TMEM86A: variants seen among roughly 807,000 people sequenced by gnomAD.
TMEM86A encodes lysoplasmalogenase TMEM86A.
A neutral mutation model predicts 19.8 loss-of-function variants in TMEM86A; 13 were observed. The ratio of observed to expected loss-of-function variants is 0.66; its 90% CI spans 0.43 to 1.04. The LOEUF (loss-of-function observed/expected upper bound fraction) is 1.04. Ranked by LOEUF, TMEM86A falls within the 50% of genes least tolerant of loss-of-function variation. TMEM86A has a pLI of 0.00. For synonymous variants in TMEM86A, 128 were observed against 129.9 expected (o/e 0.99, Z 0.10); for missense variants, 248 against 306.8 (o/e 0.81, Z 1.43).
At position 18,704,293 on chromosome 11, in the gene TMEM86A, A is replaced by C; in HGVS notation, c.*2284A>C. ...TCCATCCCCTTGGTCCCTGCTGTAT[A>C]TCACCCTCAGGAACGGGAAAGGATG... On this transcript the variant is annotated 3_prime_UTR_variant, in exon 3 of 3. Coordinates refer to ENST00000280734, the MANE Select transcript of TMEM86A (RefSeq NM_153347.3). The C allele has an allele frequency of 1.6e-6, 1 of 608,836 alleles. No individual in the cohort carries two copies. The highest frequency in any genetic ancestry group is 1.8e-5 in the South Asian group (1 of 54,410). The allele number at this position is 608,836 out of a possible 1,614,324, so 37.7% of individuals were successfully genotyped here. A position where few individuals can be genotyped will look rare whatever the true frequency, so the allele number is the denominator to read the frequency against.
rs1008809601 is a variant in TMEM86A, at chr11:18,704,052, A to G, written c.*2043A>G. 2 of 197,860 alleles carry G rather than the reference A, an allele frequency of 1.0e-5. No homozygotes were observed. The highest frequency in any genetic ancestry group is 4.6e-5 in the African/African-American group (2 of 43,482). The allele number at this position is 197,860 out of a possible 1,614,324, so 12.3% of individuals were successfully genotyped here. On this transcript the variant is annotated 3_prime_UTR_variant, in exon 3 of 3. Transcript: ENST00000280734. The stretch of plus-strand genomic sequence containing the variant: ...CAGAACTCTGAACACAGACCTACCT[A>G]GTGTGAAGAAATGGGAGGGAGCAGG...
At position 18,699,114 on chromosome 11, in the gene TMEM86A, C is replaced by T. The variant is rs1317812289; in HGVS notation, c.21+207C>T. ...CCCTCCTCGCGCGCCCCCAGCCCGCCCGCGGAGGGAGGAAAACACTGGCCA... is the reference window on the plus strand; with the variant it reads ...CCCTCCTCGCGCGCCCCCAGCCCGCTCGCGGAGGGAGGAAAACACTGGCCA... On this transcript the variant is annotated intron_variant, in intron 1 of 2. Transcript: ENST00000280734. This position sits in a 1 kb window ranked among gnomAD's most constrained non-coding sequence, Gnocchi z 4.0. Among the ~76,000 whole-genome samples the T allele has an allele frequency of 1.3e-5, 2 of 152,164 alleles. No homozygotes were observed.
rs756391145 is a variant in TMEM86A, at chr11:18,704,117, C to T, written c.*2108C>T. 34 of 252,676 alleles carry T rather than the reference C, an allele frequency of 1.3e-4. No individual in the cohort carries two copies. The highest frequency in any genetic ancestry group is 2.4e-4 in the Non-Finnish European group (31 of 127,376). 15.7% of individuals were successfully genotyped at this position (252,676 alleles called of 1,614,324 possible). A position where few individuals can be genotyped will look rare whatever the true frequency, so the allele number is the denominator to read the frequency against. On this transcript the variant is annotated 3_prime_UTR_variant, in exon 3 of 3. Coordinates refer to ENST00000280734, the MANE Select transcript of TMEM86A (RefSeq NM_153347.3). Reference sequence around the variant, plus strand: ...GAAGTCAGCAGGACTTGCCCCCAAGCTCTGAGGGGAGGGGGAAAGTGCCAT... The same window carrying T: ...GAAGTCAGCAGGACTTGCCCCCAAGTTCTGAGGGGAGGGGGAAAGTGCCAT...
At position 18,701,751 on chromosome 11, in the gene TMEM86A, C is replaced by T; in HGVS notation, c.465C>T (p.Gly155=). 6.2e-7 allele frequency: 1 copy of T among 1,614,168 alleles called. No individual in the cohort carries two copies. The highest frequency in any genetic ancestry group is 8.5e-7 in the Non-Finnish European group (1 of 1,180,040). Residue 155 remains glycine, a synonymous_variant, in exon 3 of 3, where the codon GGC becomes GGT. Transcript: ENST00000280734. This position sits in a 1 kb window ranked among gnomAD's most constrained non-coding sequence, Gnocchi z 5.3. ...TGGGGGTCTATGTGGCCCTTATCGG[C>T]TTCATGGGCTGGCGAGCTATGGCAG... ...YLVGVYVALI[G]FMGWRAMAGL...
At position 18,704,733 on chromosome 11, in the gene TMEM86A, G is replaced by C. The variant is rs2134153402; in HGVS notation, c.*2724G>C. On this transcript the variant is annotated 3_prime_UTR_variant, in exon 3 of 3. Transcript: ENST00000280734. The stretch of plus-strand genomic sequence containing the variant: ...TTGCCAGACATTGTGCCAGGCAGTT[G>C]TGTACTGTCTCATTTAAGCCTCATA... The C allele has an allele frequency of 1.7e-6, 1 of 578,744 alleles. No homozygotes were observed. The allele number at this position is 578,744 out of a possible 1,614,324, so 35.9% of individuals were successfully genotyped here.
chr11:18,699,068 C>T lies in TMEM86A; in HGVS notation c.21+161C>T, dbSNP rs183091118. On this transcript the variant is annotated intron_variant, in intron 1 of 2. Coordinates refer to ENST00000280734, the MANE Select transcript of TMEM86A (RefSeq NM_153347.3). The surrounding 1 kb of genome is among the most constrained non-coding windows in gnomAD (Gnocchi z 4.0). ...GGAGGCGGGCGCTGTCACCGCCCCC[C>T]GCTCCTCAGACTCGCGGCGCCCCTC... 0.01 allele frequency among the ~76,000 whole-genome samples: 1,524 copies of T among 152,080 alleles called. 9 individuals carry two copies. The highest frequency in any genetic ancestry group is 0.024 in the Middle Eastern group (7 of 292).
chr11:18,701,466 G>T lies in TMEM86A; in HGVS notation c.287-107G>T, dbSNP rs986326474. 4.6e-6 allele frequency: 6 copies of T among 1,290,878 alleles called. No individual in the cohort carries two copies. The highest frequency in any genetic ancestry group is 5.3e-6 in the Non-Finnish European group (5 of 934,976). 80.0% of individuals were successfully genotyped at this position (1,290,878 alleles called of 1,614,324 possible). ...TGTTATCCCAAAGCAAAGCTGCTGG[G>T]TTATCCCAAACACTCCACTCCATCG... On this transcript the variant is annotated intron_variant, in intron 2 of 2. Coordinates refer to ENST00000280734, the MANE Select transcript of TMEM86A (RefSeq NM_153347.3). The surrounding 1 kb of genome is among the most constrained non-coding windows in gnomAD (Gnocchi z 5.3).
Position 18,702,177 on chromosome 11 carries a change from A to G in TMEM86A, c.*168A>G. 1 of 680,370 alleles carries G rather than the reference A, an allele frequency of 1.5e-6. No individual in the cohort carries two copies. The highest frequency in any genetic ancestry group is 1.8e-5 in the African/African-American group (1 of 55,504). The allele number at this position is 680,370 out of a possible 1,614,324, so 42.1% of individuals were successfully genotyped here. A position where few individuals can be genotyped will look rare whatever the true frequency, so the allele number is the denominator to read the frequency against. ...GGCTGGAAAAGGATCTCCCTAGCAGAACTCGTGGTTCAGGACAATGCTGAG... is the reference window on the plus strand; with the variant it reads ...GGCTGGAAAAGGATCTCCCTAGCAGGACTCGTGGTTCAGGACAATGCTGAG... On this transcript the variant is annotated 3_prime_UTR_variant, in exon 3 of 3. Coordinates refer to ENST00000280734, the MANE Select transcript of TMEM86A (RefSeq NM_153347.3).
intron 1 of TMEM86A, chr11:18,700,618 T>G: frequency 2.3e-6 from 1 of 438,096 alleles, no homozygotes; most frequent in Non-Finnish European, 4.2e-6. Context: ...AGCTGGGGGC[T>G]GTTGCTGGCA....
Position 18,701,282 on chromosome 11 carries a change from G to A in TMEM86A, c.286+85G>A. The A allele has an allele frequency of 1.3e-6, 2 of 1,529,036 alleles. No individual in the cohort carries two copies. The highest frequency in any genetic ancestry group is 1.8e-6 in the Non-Finnish European group (2 of 1,134,916). 94.7% of individuals were successfully genotyped at this position (1,529,036 alleles called of 1,614,324 possible). A position where few individuals can be genotyped will look rare whatever the true frequency, so the allele number is the denominator to read the frequency against. On this transcript the variant is annotated intron_variant, in intron 2 of 2. Coordinates refer to ENST00000280734, the MANE Select transcript of TMEM86A (RefSeq NM_153347.3). The surrounding 1 kb of genome is among the most constrained non-coding windows in gnomAD (Gnocchi z 5.3). ...GGCTGTGGGCAAAGATTTGGAAGAG[G>A]GAGTTCTTGAACCAGAGTGTGGGGA...
Position 18,700,826 on chromosome 11 carries a change from T to G in TMEM86A, c.22-107T>G, listed in dbSNP as rs1467952267. On this transcript the variant is annotated intron_variant, in intron 1 of 2. Coordinates refer to ENST00000280734, the MANE Select transcript of TMEM86A (RefSeq NM_153347.3). Reference sequence around the variant, plus strand: ...AGTCTTCTCAGGTTGGGGGTGGAAGTGAGGTGGGGGTATGGATGGGAGTGT... The same window carrying G: ...AGTCTTCTCAGGTTGGGGGTGGAAGGGAGGTGGGGGTATGGATGGGAGTGT... 2.7e-6 allele frequency: 4 copies of G among 1,456,408 alleles called. No individual in the cohort carries two copies. In the Admixed American group the frequency reaches 7.7e-5, roughly 28 times the overall value. 90.2% of individuals were successfully genotyped at this position (1,456,408 alleles called of 1,614,324 possible). A position where few individuals can be genotyped will look rare whatever the true frequency, so the allele number is the denominator to read the frequency against.
In TMEM86A at chr11:18,704,242, C is replaced by T; in HGVS notation, c.*2233C>T. ...GGACTAGGCTTTCAGGGGTCCAGGT[C>T]TGGGATTCCCTATCATGCAATCACA... On this transcript the variant is annotated 3_prime_UTR_variant, in exon 3 of 3. Coordinates refer to ENST00000280734, the MANE Select transcript of TMEM86A (RefSeq NM_153347.3). 3.9e-6 allele frequency: 2 copies of T among 517,940 alleles called. No homozygotes were observed. Among genetic ancestry groups the T allele is most frequent in the Non-Finnish European group, 3.5e-6 (1 of 286,490 alleles). 32.1% of individuals were successfully genotyped at this position (517,940 alleles called of 1,614,324 possible).
chr11:18,703,779 A>G lies in TMEM86A; in HGVS notation c.*1770A>G, dbSNP rs1848172786. 1 of 152,126 alleles carries G rather than the reference A, an allele frequency of 6.6e-6. No individual in the cohort carries two copies. 9.4% of individuals were successfully genotyped at this position (152,126 alleles called of 1,614,324 possible). A position where few individuals can be genotyped will look rare whatever the true frequency, so the allele number is the denominator to read the frequency against. On this transcript the variant is annotated 3_prime_UTR_variant, in exon 3 of 3. Coordinates refer to ENST00000280734, the MANE Select transcript of TMEM86A (RefSeq NM_153347.3). ...TGGTTGGATGAGTCAGTGATTTCCA[A>G]ATTAGTTTTTACAGAGATTCCTGGT...
chr11:18,701,596 C>T lies in TMEM86A; in HGVS notation c.310C>T (p.His104Tyr), dbSNP rs766713755. Residue 104 changes from histidine to tyrosine, a missense_variant, in exon 3 of 3, where the codon CAC (histidine) becomes TAC (tyrosine). His to Tyr is a moderately conservative substitution (Grantham distance 83). Transcript: ENST00000280734. The surrounding 1 kb of genome is among the most constrained non-coding windows in gnomAD (Gnocchi z 5.3). Reference sequence around the variant, plus strand: ...AGGTCTGCTGATGTTTGCTGTGACCCACATGTTCTACGCCTCGGCCTTTGG... The same window carrying T: ...AGGTCTGCTGATGTTTGCTGTGACCTACATGTTCTACGCCTCGGCCTTTGG... ...VHGLLMFAVT[H>Y]MFYASAFGMQ... is the part of the protein sequence containing the mutation. 1 of 1,565,062 alleles carries T rather than the reference C, an allele frequency of 6.4e-7. No homozygotes were observed. The highest frequency in any genetic ancestry group is 1.8e-5 in the Admixed American group (1 of 54,764).
rs1848174257 is a variant in TMEM86A at position 18,703,895 on chromosome 11, T to G, written c.*1886T>G. On this transcript the variant is annotated 3_prime_UTR_variant, in exon 3 of 3. Transcript: ENST00000280734. ...CAGTAGCTTCTTAGGTTGTGTTTTT[T>G]TTTGTTTTGTTTTGTTTTGGAAGGA... 6.6e-6 allele frequency: 1 copy of G among 152,344 alleles called. No individual in the cohort carries two copies. The allele number at this position is 152,344 out of a possible 1,614,324, so 9.4% of individuals were successfully genotyped here. A position where few individuals can be genotyped will look rare whatever the true frequency, so the allele number is the denominator to read the frequency against.
At position 18,704,349 on chromosome 11, in the gene TMEM86A, A is replaced by C; in HGVS notation, c.*2340A>C. 1 of 703,186 alleles carries C rather than the reference A, an allele frequency of 1.4e-6. No individual in the cohort carries two copies. Among genetic ancestry groups the C allele is most frequent in the Non-Finnish European group, 2.6e-6 (1 of 388,502 alleles). 43.6% of individuals were successfully genotyped at this position (703,186 alleles called of 1,614,324 possible). A position where few individuals can be genotyped will look rare whatever the true frequency, so the allele number is the denominator to read the frequency against. On this transcript the variant is annotated 3_prime_UTR_variant, in exon 3 of 3. Coordinates refer to ENST00000280734, the MANE Select transcript of TMEM86A (RefSeq NM_153347.3). ...CGTTTATTGCCCCATCCCTTCACTG[A>C]ATGTTTACATTAACAAACACCAGAG...
Position 18,701,362 on chromosome 11 carries a change from C to T in TMEM86A, c.286+165C>T, listed in dbSNP as rs960752343. On this transcript the variant is annotated intron_variant, in intron 2 of 2. Transcript: ENST00000280734. The surrounding 1 kb of genome is among the most constrained non-coding windows in gnomAD (Gnocchi z 5.3). The stretch of plus-strand genomic sequence containing the variant: ...GAGGGTCCTTGTTAGGGGATGACCT[C>T]GCAGGGGAACTAGTGATCAGTTCCA... Among the ~76,000 whole-genome samples the T allele has an allele frequency of 6.6e-6, 1 of 152,076 alleles. No homozygotes were observed. Among genetic ancestry groups the T allele is most frequent in the Non-Finnish European group, 1.5e-5 (1 of 68,006 alleles).
chr11:18,699,265 C>T lies in TMEM86A; in HGVS notation c.21+358C>T, dbSNP rs1848129491. Among the ~76,000 whole-genome samples, 1 of 152,112 alleles carries T rather than the reference C, an allele frequency of 6.6e-6. No homozygotes were observed. On this transcript the variant is annotated intron_variant, in intron 1 of 2. Coordinates refer to ENST00000280734, the MANE Select transcript of TMEM86A (RefSeq NM_153347.3). This position sits in a 1 kb window ranked among gnomAD's most constrained non-coding sequence, Gnocchi z 4.0. ...TCCGCGTAGGCGGACCACAGGGAGG[C>T]GTGGGGGCGGGGGATGCTGGGAGGA...
intron 1 of TMEM86A, 94 bp from the exon 2 acceptor site, chr11:18,700,839 T>G: frequency 2.0e-6 from 3 of 1,514,226 alleles, no homozygotes; most frequent in Non-Finnish European, 2.7e-6. Flanking sequence ...GGTGGGGGTA[T>G]GGATGGGAGT....
Sources: gnomAD v4.1 joint callset for allele counts (sites outside exome capture counted in the v4.1 genomes callset) on GRCh38, gnomAD v4.1.1 for gene constraint, Gnocchi (gnomAD v3.1) non-coding constraint, MANE v1.5 for transcripts, NCBI Gene and HGNC (gene_info 2026-07-23, HGNC 2026-07-21) for gene names.